P2RX5: variants seen among roughly 807,000 people sequenced by gnomAD.
P2RX5 encodes purinergic receptor P2X 5.
In P2RX5, 46 loss-of-function variants were observed where a neutral mutation model predicts 54.1. That is an observed-to-expected ratio of 0.85 (90% CI 0.67 to 1.09). P2RX5 has a LOEUF of 1.09. Ranked by LOEUF, P2RX5 falls within the 50% of genes least tolerant of loss-of-function variation. P2RX5 has a pLI of 0.00. For synonymous variants in P2RX5, 226 were observed against 226.4 expected (o/e 1.00, Z 0.02); for missense variants, 566 against 549.8 (o/e 1.03, Z -0.29).
At position 3,689,070 on chromosome 17, in the gene P2RX5, G is replaced by C. The variant is rs185992630; in HGVS notation, c.754-311C>G. Among the ~76,000 whole-genome samples, 1,032 of 152,356 alleles carry C rather than the reference G, an allele frequency of 6.8e-3. 43 individuals are homozygous for C. The highest frequency in any genetic ancestry group is 0.056 in the Admixed American group (857 of 15,300). ...GGTCCCTCTGCCTCACCTTCGGCTG[G>C]TGCCCCAAGGACTCAGAACCGCACA... is the stretch of plus-strand genomic sequence containing the variant. On this transcript the variant is annotated intron_variant, in intron 7 of 11. Coordinates refer to ENST00000225328, the MANE Select transcript of P2RX5 (RefSeq NM_002561.4).
intron 2 of P2RX5, among the ~76,000 whole-genome samples, 170 bp downstream of exon 2, chr17:3,691,474 A>C (rs1261014723): frequency 6.6e-6 from 1 of 152,316 alleles, no homozygotes; most frequent in South Asian, 2.1e-4. Context: ...GGGGTTTGGC[A>C]TGGGAGGTAG....
chr17:3,691,433 G>A (rs1317122436), intron 2 of P2RX5, among the ~76,000 whole-genome samples: 1 of 152,246 alleles, frequency 6.6e-6, no homozygotes, highest in Non-Finnish European at 1.5e-5. Context: ...ATAGAACAGA[G>A]CAGTCACCCG....
intron 8 of P2RX5, 69 bp from the exon 9 acceptor site, chr17:3,688,174 G>T: frequency 1.2e-6 from 1 of 834,710 alleles, no homozygotes; most frequent in Non-Finnish European, 2.0e-6. Context: ...GCACTGATGT[G>T]GCTGCTCTGG....
chr17:3,723,253 G>A, the P2RX5 span: 1 of 1,370,504 alleles, frequency 7.3e-7, no homozygotes. Flanking sequence ...TGAGCAACTG[G>A]ATAATCAAAT....
the P2RX5 span, among the ~76,000 whole-genome samples, chr17:3,702,052 G>A: frequency 6.6e-6 from 1 of 152,146 alleles, no homozygotes; most frequent in African/African-American, 2.4e-5. Flanking sequence ...GTGCTGGTGA[G>A]AGATCAAGCC....
upstream of P2RX5, among the ~76,000 whole-genome samples, chr17:3,699,322 G>T (rs939480315): frequency 6.6e-5 from 10 of 152,016 alleles, no homozygotes; most frequent in Non-Finnish European, 1.2e-4. Flanking sequence ...CTGAGCCCAG[G>T]TGGGTTGAGG....
intron 11 of P2RX5, chr17:3,675,958 G>A (rs1311729585): frequency 1.5e-5 from 15 of 985,216 alleles, no homozygotes; most frequent in Non-Finnish European, 1.8e-5. Flanking sequence ...TCCTGTTCTG[G>A]AGACCATGTC....
the P2RX5 span, chr17:3,723,760 T>A: frequency 2.1e-5 from 34 of 1,606,172 alleles, no homozygotes; most frequent in Admixed American, 8.5e-5. Context: ...ACGAGAGCCA[T>A]GACCGCGACG....
intron 11 of P2RX5, chr17:3,677,081 A>G (rs2050121478): frequency 1.0e-6 from 1 of 985,006 alleles, no homozygotes; most frequent in African/African-American, 1.7e-5. Flanking sequence ...AATAAATAAA[A>G]AGCAAGGCCC....
chr17:3,701,753 T>TG, the P2RX5 span, among the ~76,000 whole-genome samples: 7 of 119,362 alleles, frequency 5.9e-5, no homozygotes, highest in South Asian at 1.5e-3. Context: ...TCTGTTTTTT[T>TG]TTTTTTTGTT....
At chr17:3,680,466 A>G (rs112686978) in intron 10 of P2RX5, among the ~76,000 whole-genome samples, 34 of 39,886 alleles carry the variant, frequency 8.5e-4, no homozygotes, top group South Asian at 3.1e-3. Flanking sequence ...TCCTCCACCC[A>G]GTGTCCTCCA....
the P2RX5 span, chr17:3,717,924 A>G: frequency 1.3e-5 from 2 of 152,204 alleles, no homozygotes; most frequent in African/African-American, 4.8e-5. Context: ...AGTGAAAGGA[A>G]GTCCCAAGGT....
chr17:3,705,218 G>A, the P2RX5 span, among the ~76,000 whole-genome samples: 1 of 152,212 alleles, frequency 6.6e-6, no homozygotes, highest in Non-Finnish European at 1.5e-5. Context: ...ATGAGAATGA[G>A]TGTGAGAATG....
Position 3,673,534 on chromosome 17 carries a change from G to T in P2RX5, c.*334C>A. The T allele has an allele frequency of 7.7e-7, 1 of 1,295,460 alleles. No homozygotes were observed. Among genetic ancestry groups the T allele is most frequent in the South Asian group, 1.6e-5 (1 of 61,504 alleles). 80.2% of individuals were successfully genotyped at this position (1,295,460 alleles called of 1,614,324 possible). ...ATCTAGGAACTCTACAGGGCACTGCGGTCCTTAGCTGAGGTGCTCAAGGAC... is the reference window on the plus strand; with the variant it reads ...ATCTAGGAACTCTACAGGGCACTGCTGTCCTTAGCTGAGGTGCTCAAGGAC... On this transcript the variant is annotated 3_prime_UTR_variant, in exon 12 of 12. Coordinates refer to ENST00000225328, the MANE Select transcript of P2RX5 (RefSeq NM_002561.4).
At chr17:3,711,147 C>T in the P2RX5 span, among the ~76,000 whole-genome samples, 8,737 of 152,136 alleles carry the variant, frequency 0.057, 847 homozygotes, top group African/African-American at 0.2. Context: ...AGAAGAAAGA[C>T]CGGCTGGGAA....
intron 2 of P2RX5, among the ~76,000 whole-genome samples, 175 bp from the exon 3 acceptor site, chr17:3,691,202 G>A (rs1177657300): frequency 6.6e-6 from 1 of 152,172 alleles, no homozygotes; most frequent in African/African-American, 2.4e-5. Flanking sequence ...CCAGGTAGAT[G>A]TCCATTGATA....
upstream of P2RX5, among the ~76,000 whole-genome samples, chr17:3,699,464 T>G (rs2050800788): frequency 6.6e-6 from 1 of 151,734 alleles, no homozygotes; most frequent in African/African-American, 2.4e-5. Context: ...GGTAGGAGGA[T>G]CTCTTGAGCC....
intron 11 of P2RX5, chr17:3,677,598 C>T: frequency 1.0e-6 from 1 of 985,422 alleles, no homozygotes; most frequent in Non-Finnish European, 1.2e-6. Flanking sequence ...CTGCTAGAGG[C>T]TAGAGGAAGG....
rs114892436 is a variant in P2RX5 at position 3,689,963 on chromosome 17, C to T, written c.614+107G>A. The T allele has an allele frequency of 3.9e-4, 396 of 1,004,334 alleles. 3 individuals carry two copies. The African/African-American group carries it at 5.5e-3, about 14-fold the overall frequency. 62.2% of individuals were successfully genotyped at this position (1,004,334 alleles called of 1,614,324 possible). Reference sequence around the variant, plus strand: ...ACACGCGAACACACGCACACACGTGCACACACGCGCGCACACACACCCCCA... The same window carrying T: ...ACACGCGAACACACGCACACACGTGTACACACGCGCGCACACACACCCCCA... On this transcript the variant is annotated intron_variant, in intron 6 of 11. Transcript: ENST00000225328.
Sources: gnomAD v4.1 joint callset for allele counts (sites outside exome capture counted in the v4.1 genomes callset) on GRCh38, gnomAD v4.1.1 for gene constraint, MANE v1.5 for transcripts, NCBI Gene and HGNC (gene_info 2026-07-23, HGNC 2026-07-21) for gene names.